The following SEMA3A variants were observed in gnomAD, a reference collection of about 807,000 sequenced individuals.
SEMA3A encodes semaphorin-3A.
In SEMA3A, 29 loss-of-function variants were observed where a neutral mutation model predicts 97.9. The observed-to-expected ratio is 0.30, with a 90% CI of 0.22 to 0.40. The LOEUF is 0.40. Ranked by LOEUF, SEMA3A falls within the 10% of genes least tolerant of loss-of-function variation. The pLI is 1.00. For synonymous variants in SEMA3A, 321 were observed against 323.7 expected (o/e 0.99, Z 0.09); for missense variants, 763 against 951.3 (o/e 0.80, Z 2.60).
At chr7:83,976,533 G>C (rs148771786) in intron 15 of SEMA3A, among the ~76,000 whole-genome samples, 2 of 151,552 alleles carry the variant, frequency 1.3e-5, no homozygotes, top group Non-Finnish European at 2.9e-5. Context: ...GTGAAGGTTG[G>C]TTGATGTTTC....
At chr7:84,454,632 G>A (rs1337422396) in intron 1 of SEMA3A, among the ~76,000 whole-genome samples, 1 of 152,010 alleles carries the variant, frequency 6.6e-6, no homozygotes, top group Non-Finnish European at 1.5e-5. Flanking sequence ...GTATATTCAT[G>A]TAATACAAAT....
At chr7:84,451,743 A>G (rs1396162865) in intron 1 of SEMA3A, among the ~76,000 whole-genome samples, 1 of 152,164 alleles carries the variant, frequency 6.6e-6, no homozygotes, top group Non-Finnish European at 1.5e-5. Context: ...TCAGTGACTC[A>G]GTTTTATGTT....
intron 4 of SEMA3A, among the ~76,000 whole-genome samples, chr7:84,062,657 C>G (rs1793280877): frequency 6.6e-6 from 1 of 152,200 alleles, no homozygotes; most frequent in South Asian, 2.1e-4. Flanking sequence ...AAAGGGGTGA[C>G]AGACGGCACC....
At chr7:83,970,376 A>G (rs1788866193) in intron 15 of SEMA3A, among the ~76,000 whole-genome samples, 1 of 152,152 alleles carries the variant, frequency 6.6e-6, no homozygotes, top group South Asian at 2.1e-4. Context: ...CAGAAATATC[A>G]TGTTGCTAAA....
chr7:84,268,702 AT>A (rs1800072298), intron 3 of SEMA3A, among the ~76,000 whole-genome samples: 1 of 152,120 alleles, frequency 6.6e-6, no homozygotes, highest in African/African-American at 2.4e-5. Flanking sequence ...GAATGTCAGA[AT>A]GGAAGCAAGG....
intron 4 of SEMA3A, among the ~76,000 whole-genome samples, chr7:84,092,119 AT>A (rs538125339): frequency 1.0e-3 from 156 of 152,200 alleles, no homozygotes; most frequent in African/African-American, 3.5e-3. Context: ...TTTAAAAGGC[AT>A]TTTTTTAAAT....
At chr7:84,402,918 G>T (rs948785610) in intron 1 of SEMA3A, among the ~76,000 whole-genome samples, 1 of 152,094 alleles carries the variant, frequency 6.6e-6, no homozygotes, top group Non-Finnish European at 1.5e-5. Flanking sequence ...AGGGTAGTGG[G>T]GTAGAGAGTT....
intron 1 of SEMA3A, 147 bp from the exon 2 acceptor site, chr7:84,135,098 C>A: frequency 2.0e-6 from 1 of 495,786 alleles, no homozygotes; most frequent in Non-Finnish European, 3.3e-6. Flanking sequence ...ATATTGGAAC[C>A]AAAATGTGTG....
chr7:84,011,951 G>A (rs766863451), intron 7 of SEMA3A, among the ~76,000 whole-genome samples: 18 of 152,072 alleles, frequency 1.2e-4, no homozygotes, highest in South Asian at 2.1e-4. Context: ...TGAATAAACC[G>A]GGGGACATTA....
intron 3 of SEMA3A, among the ~76,000 whole-genome samples, chr7:84,279,742 C>T (rs1457166251): frequency 6.6e-6 from 1 of 152,108 alleles, no homozygotes. Flanking sequence ...AAATAGTAGA[C>T]TATATGTGAA....
At chr7:84,031,857 T>C (rs867298309) in intron 6 of SEMA3A, among the ~76,000 whole-genome samples, 2 of 151,952 alleles carry the variant, frequency 1.3e-5, no homozygotes, top group Non-Finnish European at 2.9e-5. Flanking sequence ...AAATAAAAAA[T>C]AAAGTGTCCT....
At chr7:84,310,506 T>C (rs1471415105) in intron 2 of SEMA3A, among the ~76,000 whole-genome samples, 1 of 152,056 alleles carries the variant, frequency 6.6e-6, no homozygotes, top group Non-Finnish European at 1.5e-5. Flanking sequence ...AAAACTTAAA[T>C]GGGAAACTCC....
At chr7:84,357,395 C>T (rs1802591042) in intron 2 of SEMA3A, among the ~76,000 whole-genome samples, 1 of 143,946 alleles carries the variant, frequency 6.9e-6, no homozygotes, top group African/African-American at 2.6e-5. Context: ...GTTTGGTTTT[C>T]TGTCTTTGCG....
At chr7:84,067,428 T>A (rs1175324117) in intron 4 of SEMA3A, among the ~76,000 whole-genome samples, 8 of 152,126 alleles carry the variant, frequency 5.3e-5, no homozygotes, top group African/African-American at 1.9e-4. Context: ...AAATGGGATC[T>A]AATTAAACTA....
intron 4 of SEMA3A, among the ~76,000 whole-genome samples, chr7:84,084,043 G>A (rs1369263515): frequency 6.6e-6 from 1 of 151,682 alleles, no homozygotes; most frequent in African/African-American, 2.4e-5. Flanking sequence ...TGCTTGGCTG[G>A]GCATCACTGA....
intron 1 of SEMA3A, among the ~76,000 whole-genome samples, chr7:84,460,158 GGTGTAGAAT>G (rs1339253512): frequency 6.6e-6 from 1 of 152,046 alleles, no homozygotes; most frequent in African/African-American, 2.4e-5. Context: ...AAGAATTCTT[GGTGTAGAAT>G]GTTTTAAACC....
intron 1 of SEMA3A, among the ~76,000 whole-genome samples, chr7:84,383,664 T>C (rs1404571356): frequency 6.6e-6 from 1 of 152,170 alleles, no homozygotes; most frequent in African/African-American, 2.4e-5. Context: ...TTCTGTGGTG[T>C]AAAAGGTATT....
At chr7:84,205,500 A>T (rs1313126948) in intron 3 of SEMA3A, among the ~76,000 whole-genome samples, 1 of 152,342 alleles carries the variant, frequency 6.6e-6, no homozygotes, top group African/African-American at 2.4e-5. Flanking sequence ...TGACAAAAAT[A>T]TCATTTAAAT....
chr7:84,459,303 G>T (rs956557665), intron 1 of SEMA3A, among the ~76,000 whole-genome samples: 6 of 152,056 alleles, frequency 3.9e-5, no homozygotes, highest in African/African-American at 1.4e-4. Flanking sequence ...AATATTAAAA[G>T]TAAATTCACA....
Sources: gnomAD v4.1 joint callset for allele counts (sites outside exome capture counted in the v4.1 genomes callset) on GRCh38, gnomAD v4.1.1 for gene constraint, MANE v1.5 for transcripts, NCBI Gene and HGNC (gene_info 2026-07-23, HGNC 2026-07-21) for gene names.